SLC25A48: variants seen among roughly 807,000 people sequenced by gnomAD.
SLC25A48 encodes CTC-321K16.1.
Under a neutral mutation model 32.2 loss-of-function variants are expected in SLC25A48, and 29 were observed. The ratio of observed to expected loss-of-function variants is 0.90; its 90% CI spans 0.67 to 1.23. The LOEUF (loss-of-function observed/expected upper bound fraction) is 1.23, where lower values mean the gene tolerates loss of function less well. Among genes scored for constraint, SLC25A48 ranks in the 50% most tolerant of loss-of-function variants. SLC25A48 has a pLI of 0.00. For missense variants in SLC25A48, 399 were observed against 422.7 expected (o/e 0.94, Z 0.49); for synonymous variants, 164 against 172.3 (o/e 0.95, Z 0.38).
At chr5:135,632,158 T>A (rs1018684034) in intron 2 of SLC25A48, among the ~76,000 whole-genome samples, 1 of 152,236 alleles carries the variant, frequency 6.6e-6, no homozygotes, top group Non-Finnish European at 1.5e-5. Flanking sequence ...GTTAGCAAGA[T>A]GACTGGGTCA....
At chr5:135,607,754 C>T (rs17168730) in intron 1 of SLC25A48, among the ~76,000 whole-genome samples, 61,990 of 151,996 alleles carry the variant, frequency 0.41, 12,926 homozygotes, top group African/African-American at 0.51. Flanking sequence ...CTAGTGGAAG[C>T]TCATCTTGGT....
At chr5:135,636,247 A>T (rs1561768769) in intron 3 of SLC25A48, among the ~76,000 whole-genome samples, 1 of 152,104 alleles carries the variant, frequency 6.6e-6, no homozygotes, top group Non-Finnish European at 1.5e-5. Flanking sequence ...TGTGCTGGAC[A>T]CTGTGGGGAA....
chr5:135,602,096 G>A (rs1010480371), intron 1 of SLC25A48, among the ~76,000 whole-genome samples: 5 of 152,174 alleles, frequency 3.3e-5, no homozygotes, highest in Non-Finnish European at 7.3e-5. Context: ...TGTAAATAAT[G>A]TGTACAGAGC....
intron 4 of SLC25A48, among the ~76,000 whole-genome samples, chr5:135,866,225 G>A (rs983924142): frequency 1.3e-5 from 2 of 152,232 alleles, no homozygotes; most frequent in Admixed American, 6.5e-5. Context: ...CACAGCAGAG[G>A]AGGCTGGGAG....
intron 3 of SLC25A48, among the ~76,000 whole-genome samples, chr5:135,760,703 G>C (rs1043784753): frequency 6.6e-6 from 1 of 152,116 alleles, no homozygotes; most frequent in African/African-American, 2.4e-5. Context: ...GCCGATTGTC[G>C]GCCACTTGGG....
At chr5:135,795,244 C>T (rs1004128354) in intron 3 of SLC25A48, among the ~76,000 whole-genome samples, 5 of 151,694 alleles carry the variant, frequency 3.3e-5, no homozygotes, top group African/African-American at 7.3e-5. Context: ...CTCCCAATAT[C>T]GCAGAAGGTG....
intron 2 of SLC25A48, among the ~76,000 whole-genome samples, chr5:135,631,323 G>A (rs1752564735): frequency 6.6e-6 from 1 of 152,198 alleles, no homozygotes; most frequent in Non-Finnish European, 1.5e-5. Context: ...TCCTTTAATG[G>A]ACTGATGTGT....
chr5:135,805,407 G>A (rs1757439533), intron 3 of SLC25A48, among the ~76,000 whole-genome samples: 1 of 151,312 alleles, frequency 6.6e-6, no homozygotes, highest in Non-Finnish European at 1.5e-5. Flanking sequence ...TATTTATAAT[G>A]TAATATGAAG....
chr5:135,801,939 G>A (rs1301894348), intron 3 of SLC25A48, among the ~76,000 whole-genome samples: 1 of 151,724 alleles, frequency 6.6e-6, no homozygotes, highest in Non-Finnish European at 1.5e-5. Flanking sequence ...AAGAGGGGAT[G>A]ATATTACTCC....
At chr5:135,681,368 A>G (rs1283265543) in intron 3 of SLC25A48, among the ~76,000 whole-genome samples, 2 of 152,042 alleles carry the variant, frequency 1.3e-5, no homozygotes, top group Non-Finnish European at 2.9e-5. Context: ...CATCCAATGT[A>G]TTTTTCATTT....
chr5:135,630,621 TGA>T lies in SLC25A48; in HGVS notation c.-709+1251_-709+1252del, dbSNP rs767176307. Among the ~76,000 whole-genome samples, 15 of 121,268 alleles carry T rather than the reference TGA, an allele frequency of 1.2e-4. 3 individuals carry two copies. Among genetic ancestry groups the T allele is most frequent in the African/African-American group, 1.7e-4 (5 of 30,044 alleles). The allele number at this position is 121,268 out of a possible 152,430, so 79.6% of individuals were successfully genotyped here. A position where few individuals can be genotyped will look rare whatever the true frequency, so the allele number is the denominator to read the frequency against. On this transcript the variant is annotated intron_variant, in intron 2 of 10. Coordinates refer to the SLC25A48 transcript ENST00000646290. ...TTTTTTTTTTTTTTTTTTTTTTTTT[TGA>T]GAGAGTCATGCTCTGTCTCCCAGGC...
chr5:135,595,740 C>T (rs1044302884), intron 1 of SLC25A48, among the ~76,000 whole-genome samples: 4 of 152,200 alleles, frequency 2.6e-5, no homozygotes, highest in Admixed American at 2.6e-4. Context: ...ATATGCATCT[C>T]ATAGTGATAT....
At chr5:135,704,093 T>C (rs1005878755) in intron 3 of SLC25A48, among the ~76,000 whole-genome samples, 3 of 152,226 alleles carry the variant, frequency 2.0e-5, no homozygotes, top group African/African-American at 7.2e-5. Flanking sequence ...CTTGAAGTTA[T>C]GAAGAAGGCA....
At chr5:135,730,726 GT>G (rs1439918662) in intron 3 of SLC25A48, among the ~76,000 whole-genome samples, 2 of 152,228 alleles carry the variant, frequency 1.3e-5, no homozygotes, top group Non-Finnish European at 2.9e-5. Flanking sequence ...CTAGAGACTT[GT>G]TGAATGGCCT....
At chr5:135,654,966 G>T (rs1381204235) in intron 3 of SLC25A48, among the ~76,000 whole-genome samples, 1 of 152,180 alleles carries the variant, frequency 6.6e-6, no homozygotes, top group Admixed American at 6.5e-5. Flanking sequence ...GTATTGAAAC[G>T]ACATCCATCT....
intron 2 of SLC25A48, among the ~76,000 whole-genome samples, chr5:135,630,990 A>G (rs1752553780): frequency 6.6e-6 from 1 of 152,166 alleles, no homozygotes; most frequent in Non-Finnish European, 1.5e-5. Context: ...TGGCAGCATC[A>G]TCTCTACACT....
intron 3 of SLC25A48, among the ~76,000 whole-genome samples, chr5:135,637,957 C>G (rs1015247145): frequency 6.6e-6 from 1 of 152,172 alleles, no homozygotes; most frequent in Non-Finnish European, 1.5e-5. Context: ...TATTCTATTT[C>G]ACCAATTTTA....
At chr5:135,672,189 C>T (rs531734510) in intron 3 of SLC25A48, among the ~76,000 whole-genome samples, 3 of 152,232 alleles carry the variant, frequency 2.0e-5, no homozygotes, top group Admixed American at 6.5e-5. Flanking sequence ...GTATGTAACC[C>T]AATCACGAAC....
intron 1 of SLC25A48, among the ~76,000 whole-genome samples, chr5:135,838,657 GAA>G (rs1285800558): frequency 6.6e-6 from 1 of 152,262 alleles, no homozygotes; most frequent in African/African-American, 2.4e-5. Context: ...AGCCATGGCT[GAA>G]AGGGGCCAAG....
Sources: gnomAD v4.1 joint callset for allele counts (sites outside exome capture counted in the v4.1 genomes callset) on GRCh38, gnomAD v4.1.1 for gene constraint, MANE v1.5 for transcripts, NCBI Gene and HGNC (gene_info 2026-07-23, HGNC 2026-07-21) for gene names.